Variants in GRIN2A observed in about 807,000 individuals in gnomAD.
GRIN2A encodes the protein glutamate ionotropic receptor NMDA type subunit 2A.
In GRIN2A, 22 loss-of-function variants were observed where a neutral mutation model predicts 113.4. The ratio of observed to expected loss-of-function variants is 0.19; its 90% CI spans 0.14 to 0.28. GRIN2A has a LOEUF of 0.28. Ranked by LOEUF, GRIN2A falls within the 10% of genes least tolerant of loss-of-function variation. GRIN2A has a pLI of 1.00. For missense variants in GRIN2A, 1,502 were observed against 1,887.0 expected (o/e 0.80, Z 3.78); for synonymous variants, 827 against 738.4 (o/e 1.12, Z -1.94).
chr16:9,920,711 T>G (rs1409931242), intron 3 of GRIN2A, among the ~76,000 whole-genome samples: 1 of 151,836 alleles, frequency 6.6e-6, no homozygotes, highest in Non-Finnish European at 1.5e-5. Flanking sequence ...GGACTACAGG[T>G]GCACGCCACC....
chr16:9,841,912 C>G (rs899981620), intron 5 of GRIN2A, among the ~76,000 whole-genome samples: 1 of 152,180 alleles, frequency 6.6e-6, no homozygotes, highest in South Asian at 2.1e-4. Context: ...TTCACCTGAA[C>G]AAGACATATT....
chr16:9,777,016 G>A (rs1315687146), intron 11 of GRIN2A, among the ~76,000 whole-genome samples: 1 of 152,082 alleles, frequency 6.6e-6, no homozygotes, highest in African/African-American at 2.4e-5. Context: ...TATCAGATTT[G>A]GGGATGTGGT....
chr16:10,023,018 CA>C (rs1292083989), intron 2 of GRIN2A, among the ~76,000 whole-genome samples: 2 of 152,156 alleles, frequency 1.3e-5, no homozygotes, highest in African/African-American at 4.8e-5. Context: ...TCCTACTAAT[CA>C]GGGGGATATA....
chr16:9,780,228 G>T (rs546089160), intron 11 of GRIN2A, among the ~76,000 whole-genome samples: 2 of 152,178 alleles, frequency 1.3e-5, no homozygotes, highest in Non-Finnish European at 2.9e-5. Context: ...TTGAGTAGAC[G>T]CGCTCTATTA....
At chr16:10,049,120 A>G (rs936280942) in intron 2 of GRIN2A, among the ~76,000 whole-genome samples, 2 of 152,178 alleles carry the variant, frequency 1.3e-5, no homozygotes, top group Non-Finnish European at 2.9e-5. Flanking sequence ...TACCCTTCCA[A>G]AGATCAGAGT....
At position 10,073,342 on chromosome 16, in the gene GRIN2A, A is replaced by G. The variant is rs550769501; in HGVS notation, c.414+106656T>C. Among the ~76,000 whole-genome samples, 8 of 152,294 alleles carry G rather than the reference A, an allele frequency of 5.3e-5. No homozygotes were observed. The East Asian group carries it at 1.5e-3, about 29-fold the overall frequency. Reference sequence around the variant, plus strand: ...AAGGCCCATGGAAGACAGAAAAATCATTTATAGACTGCAGTCTCTAAAGAC... The same window carrying G: ...AAGGCCCATGGAAGACAGAAAAATCGTTTATAGACTGCAGTCTCTAAAGAC... On this transcript the variant is annotated intron_variant, in intron 2 of 12. Transcript: ENST00000330684.
Position 9,953,685 on chromosome 16 carries a change from G to A in GRIN2A, c.415-15134C>T, listed in dbSNP as rs570774894. Among the ~76,000 whole-genome samples, 11 of 152,286 alleles carry A rather than the reference G, an allele frequency of 7.2e-5. No individual in the cohort carries two copies. The South Asian group carries it at 1.5e-3, about 20-fold the overall frequency. ...CAGAGAAGGAATGTAGGAGAGGTAC[G>A]AGGAGAAAGCCGGGGAATGCGATAA... On this transcript the variant is annotated intron_variant, in intron 2 of 12. Coordinates refer to ENST00000330684, the MANE Select transcript of GRIN2A (RefSeq NM_001134407.3).
Position 10,172,672 on chromosome 16 carries a change from C to T in GRIN2A, c.414+7326G>A, listed in dbSNP as rs180698226. ...AGCCAACTGTTGCCATAGGGGGAAT[C>T]GGGGCCAGTATGGCCAGGCCTTCTG... On this transcript the variant is annotated intron_variant, in intron 2 of 12. Coordinates refer to ENST00000330684, the MANE Select transcript of GRIN2A (RefSeq NM_001134407.3). 2.9e-3 allele frequency among the ~76,000 whole-genome samples: 436 copies of T among 152,298 alleles called. 1 individual carries two copies. The highest frequency in any genetic ancestry group is 6.8e-3 in the Middle Eastern group (2 of 294).
chr16:10,067,281 G>A (rs370142301), intron 2 of GRIN2A, among the ~76,000 whole-genome samples: 4 of 152,130 alleles, frequency 2.6e-5, no homozygotes, highest in African/African-American at 7.2e-5. Flanking sequence ...AAATACCCAC[G>A]AAAAATTCAC....
intron 2 of GRIN2A, among the ~76,000 whole-genome samples, chr16:9,987,708 A>C (rs2046005357): frequency 6.6e-6 from 1 of 152,180 alleles, no homozygotes; most frequent in Non-Finnish European, 1.5e-5. Context: ...AGATCTGTTT[A>C]CTCTGCACAG....
intron 1 of GRIN2A, among the ~76,000 whole-genome samples, chr16:10,181,237 A>C (rs1014230286): frequency 5.4e-5 from 8 of 147,680 alleles, no homozygotes; most frequent in African/African-American, 1.3e-4. Flanking sequence ...ACACACACAC[A>C]CCCTCTCTCA....
rs188208661 is a variant in GRIN2A at position 9,979,541 on chromosome 16, T to C, written c.415-40990A>G. 5.5e-4 allele frequency among the ~76,000 whole-genome samples: 84 copies of C among 152,216 alleles called. 1 individual carries two copies. The highest frequency in any genetic ancestry group is 9.9e-4 in the Non-Finnish European group (67 of 67,998). ...TTTTCTTGCTAGAGCAGGGTCTTTG[T>C]CCATCAGTCTTCACCACAGCTCTGC... On this transcript the variant is annotated intron_variant, in intron 2 of 12. Transcript: ENST00000330684.
intron 2 of GRIN2A, among the ~76,000 whole-genome samples, chr16:10,119,181 GA>G (rs146069605): frequency 2.0e-5 from 3 of 151,824 alleles, no homozygotes; most frequent in Middle Eastern, 3.2e-3. Flanking sequence ...GAAGCTAAGG[GA>G]AAAAAAGCCC....
chr16:10,039,095 C>T (rs992468439), intron 2 of GRIN2A, among the ~76,000 whole-genome samples: 13 of 152,122 alleles, frequency 8.5e-5, no homozygotes, highest in Admixed American at 2.6e-4. Context: ...GACGCTAGCA[C>T]AGTGCCCGCC....
chr16:9,928,876 C>G (rs1014565642), intron 3 of GRIN2A, among the ~76,000 whole-genome samples: 7 of 152,214 alleles, frequency 4.6e-5, no homozygotes, highest in Non-Finnish European at 5.9e-5. Flanking sequence ...AGGATTAACT[C>G]TGCAAGGATG....
intron 2 of GRIN2A, among the ~76,000 whole-genome samples, chr16:10,057,632 G>A (rs936635849): frequency 5.4e-4 from 81 of 151,348 alleles, no homozygotes; most frequent in Non-Finnish European, 9.7e-4. Flanking sequence ...AAACTCATAA[G>A]TAGTTAAAAA....
chr16:9,967,570 T>C (rs934851732), intron 2 of GRIN2A, among the ~76,000 whole-genome samples: 1 of 152,180 alleles, frequency 6.6e-6, no homozygotes, highest in Non-Finnish European at 1.5e-5. Context: ...CCGGGCGTGC[T>C]GGCGTGCGCC....
intron 3 of GRIN2A, among the ~76,000 whole-genome samples, chr16:9,931,347 T>C (rs2141609509): frequency 6.6e-6 from 1 of 152,246 alleles, no homozygotes; most frequent in South Asian, 2.1e-4. Flanking sequence ...AAAATAAAAT[T>C]ATAATAATGA....
At chr16:9,877,245 T>G (rs2043386197) in intron 4 of GRIN2A, among the ~76,000 whole-genome samples, 1 of 152,240 alleles carries the variant, frequency 6.6e-6, no homozygotes, top group Non-Finnish European at 1.5e-5. Context: ...AAGGCCATAC[T>G]GTAAGGTTTG....
Sources: allele counts gnomAD v4.1 joint callset (sites outside exome capture counted in the v4.1 genomes callset), GRCh38; gene constraint gnomAD v4.1.1; transcripts MANE v1.5; gene names NCBI Gene and HGNC (gene_info 2026-07-23, HGNC 2026-07-21).